Variants in FAM13B observed in about 807,000 individuals in gnomAD.
FAM13B encodes protein FAM13B.
In FAM13B, 60 loss-of-function variants were observed where a neutral mutation model predicts 117.3. The ratio of observed to expected loss-of-function variants is 0.51; its 90% CI spans 0.42 to 0.63. The LOEUF (loss-of-function observed/expected upper bound fraction) is 0.63, where lower values mean the gene tolerates loss of function less well. Among genes scored for constraint, FAM13B ranks in the 30% least tolerant of loss-of-function variants. The pLI, the probability that FAM13B is intolerant of heterozygous loss-of-function variation, is 0.00. For missense variants in FAM13B, 972 were observed against 1,091.9 expected (o/e 0.89, Z 1.55); for synonymous variants, 332 against 356.1 (o/e 0.93, Z 0.76).
At chr5:138,006,360 G>A (rs1417608949) in intron 7 of FAM13B, among the ~76,000 whole-genome samples, 1 of 152,130 alleles carries the variant, frequency 6.6e-6, no homozygotes, top group Non-Finnish European at 1.5e-5. Flanking sequence ...AGATACATAT[G>A]GGGAGTATGA....
intron 4 of FAM13B, among the ~76,000 whole-genome samples, chr5:138,012,608 G>A (rs4634346): frequency 0.74 from 112,289 of 152,036 alleles, 42,111 homozygotes; most frequent in East Asian, 0.97. Flanking sequence ...TGTATTTATC[G>A]TGTCAATGAG....
intron 12 of FAM13B, 121 bp downstream of exon 12, chr5:137,960,045 A>G: frequency 2.8e-6 from 2 of 717,904 alleles, no homozygotes; most frequent in Non-Finnish European, 4.7e-6. Flanking sequence ...TAACTGTAAA[A>G]TATTTGGTAA....
In FAM13B at chr5:138,011,052, CTT is replaced by C; in HGVS notation, c.644_645del (p.Glu215GlyfsTer7). 1 of 1,608,204 alleles carries C rather than the reference CTT, an allele frequency of 6.2e-7. No individual in the cohort carries two copies. The highest frequency in any genetic ancestry group is 8.5e-7 in the Non-Finnish European group (1 of 1,178,970). ...LENYYEFFEN[E>X]EEDFSSNDLS... ...AAATCATTAGATGAAAAATCTTCCT[CTT>C]CATTCTCAAAAAACTCATAGTAGTT... is the stretch of plus-strand genomic sequence containing the variant. On this transcript the variant is annotated frameshift_variant, in exon 6 of 24. Transcript: ENST00000689681. LOFTEE classifies it high-confidence loss of function.
intron 7 of FAM13B, among the ~76,000 whole-genome samples, chr5:137,994,616 G>A (rs1278418336): frequency 1.3e-5 from 2 of 152,216 alleles, no homozygotes; most frequent in African/African-American, 4.8e-5. Context: ...AGGTACTATA[G>A]GCAGATGCCA....
chr5:138,051,452 G>A (rs1301162380), intron 1 of FAM13B, among the ~76,000 whole-genome samples: 1 of 152,150 alleles, frequency 6.6e-6, no homozygotes, highest in Non-Finnish European at 1.5e-5. Context: ...TCACCAAAAA[G>A]GGACTTTATG....
At chr5:138,044,585 A>G (rs1211404369) in intron 1 of FAM13B, among the ~76,000 whole-genome samples, 2 of 151,918 alleles carry the variant, frequency 1.3e-5, no homozygotes, top group African/African-American at 4.8e-5. Flanking sequence ...ATATAAGACA[A>G]TGTCTTCGTG....
Position 137,942,872 on chromosome 5 carries a change from T to C in FAM13B, c.2588+3A>G, listed in dbSNP as rs1762275973. 6.3e-7 allele frequency: 1 copy of C among 1,597,432 alleles called. No individual in the cohort carries two copies. Among genetic ancestry groups the C allele is most frequent in the African/African-American group, 1.4e-5 (1 of 73,510 alleles). On this transcript the variant is annotated splice_donor_region_variant and intron_variant, in intron 22 of 23. Transcript: ENST00000689681. Reference sequence around the variant, plus strand: ...GGCTAAAATCACAAATCAGCATACATACATAGAAGCTGCTCGAGAACTTGA... The same window carrying C: ...GGCTAAAATCACAAATCAGCATACACACATAGAAGCTGCTCGAGAACTTGA...
chr5:137,970,122 A>G (rs1324142029), intron 10 of FAM13B, among the ~76,000 whole-genome samples: 1 of 151,842 alleles, frequency 6.6e-6, no homozygotes, highest in African/African-American at 2.4e-5. Flanking sequence ...CCACAAAGAT[A>G]CTCCTCGAGA....
intron 4 of FAM13B, among the ~76,000 whole-genome samples, chr5:138,014,381 G>A (rs376165634): frequency 2.6e-5 from 4 of 152,372 alleles, no homozygotes; most frequent in South Asian, 4.1e-4. Flanking sequence ...AGTCAGATCA[G>A]TGGCGGCATT....
At chr5:137,994,214 A>T (rs546423046) in intron 7 of FAM13B, among the ~76,000 whole-genome samples, 2 of 152,354 alleles carry the variant, frequency 1.3e-5, no homozygotes, top group South Asian at 4.1e-4. Flanking sequence ...TCAAATAAAC[A>T]GCTCCTTTTA....
Position 137,943,235 on chromosome 5 carries a change from T to C in FAM13B, c.2341-19A>G. 6.3e-7 allele frequency: 1 copy of C among 1,588,088 alleles called. No homozygotes were observed. The highest frequency in any genetic ancestry group is 8.6e-7 in the Non-Finnish European group (1 of 1,159,114). On this transcript the variant is annotated intron_variant, in intron 20 of 23. Coordinates refer to ENST00000689681, the MANE Select transcript of FAM13B (RefSeq NM_001385994.1). Reference sequence around the variant, plus strand: ...GAGATCCCTATAACAATCAATAATATAAATAGTTTTACATTTTAAGTATTC... The same window carrying C: ...GAGATCCCTATAACAATCAATAATACAAATAGTTTTACATTTTAAGTATTC...
intron 7 of FAM13B, among the ~76,000 whole-genome samples, chr5:137,996,573 CAA>C (rs1392179490): frequency 6.6e-6 from 1 of 152,098 alleles, no homozygotes; most frequent in Non-Finnish European, 1.5e-5. Flanking sequence ...CAGCAACCCA[CAA>C]AGAGAGTTTC....
intron 1 of FAM13B, among the ~76,000 whole-genome samples, chr5:138,030,485 G>A (rs1188414796): frequency 6.7e-6 from 1 of 149,526 alleles, no homozygotes; most frequent in Non-Finnish European, 1.5e-5. Context: ...AAGCTCAACT[G>A]ATCCTCCAGC....
chr5:138,048,595 G>A (rs1000102459), intron 1 of FAM13B, among the ~76,000 whole-genome samples: 1 of 152,104 alleles, frequency 6.6e-6, no homozygotes, highest in Admixed American at 6.6e-5. Flanking sequence ...CCATTTTTTA[G>A]GAGGCAAATC....
rs1370395234 is a variant in FAM13B, at chr5:137,982,561, G to A, written c.1179+2696C>T. On this transcript the variant is annotated intron_variant, in intron 10 of 23. Coordinates refer to ENST00000689681, the MANE Select transcript of FAM13B (RefSeq NM_001385994.1). ...AACAACAACAACCTTCATTCCAGAA[G>A]TATCTACCCTATACCTGGATGAAAG... Among the ~76,000 whole-genome samples, 4 of 152,076 alleles carry A rather than the reference G, an allele frequency of 2.6e-5. No homozygotes were observed. In the East Asian group the frequency reaches 7.7e-4, roughly 29 times the overall value.
At chr5:138,047,618 C>G (rs1459656037) in intron 1 of FAM13B, among the ~76,000 whole-genome samples, 1 of 152,164 alleles carries the variant, frequency 6.6e-6, no homozygotes. Context: ...GCTCAACTGA[C>G]CCAGAGATGG....
At chr5:137,950,798 T>C (rs1764734951) in intron 17 of FAM13B, among the ~76,000 whole-genome samples, 1 of 152,196 alleles carries the variant, frequency 6.6e-6, no homozygotes, top group Admixed American at 6.5e-5. Flanking sequence ...TGGTATCAAC[T>C]ACTAATAAAA....
intron 10 of FAM13B, among the ~76,000 whole-genome samples, chr5:137,984,107 A>T (rs1776555391): frequency 6.6e-6 from 1 of 152,248 alleles, no homozygotes; most frequent in Non-Finnish European, 1.5e-5. Flanking sequence ...TCATTATTAC[A>T]ACAATGTTCC....
chr5:137,946,045 T>C lies in FAM13B; in HGVS notation c.2245-48A>G, dbSNP rs769368742. The C allele has an allele frequency of 5.4e-6, 8 of 1,479,474 alleles. No individual in the cohort carries two copies. In the South Asian group the frequency reaches 8.3e-5, roughly 15 times the overall value. The allele number at this position is 1,479,474 out of a possible 1,614,324, so 91.6% of individuals were successfully genotyped here. A position where few individuals can be genotyped will look rare whatever the true frequency, so the allele number is the denominator to read the frequency against. ...TTGTCTAGTCATCACAAATCTAAAA[T>C]GTCCAAAACATTAAACAATGACTTA... is the stretch of plus-strand genomic sequence containing the variant. On this transcript the variant is annotated intron_variant, in intron 19 of 23. Transcript: ENST00000689681.
Sources: gnomAD v4.1 joint callset for allele counts (sites outside exome capture counted in the v4.1 genomes callset) on GRCh38, gnomAD v4.1.1 for gene constraint, MANE v1.5 for transcripts, NCBI Gene and HGNC (gene_info 2026-07-23, HGNC 2026-07-21) for gene names.